Variants in FGF13 observed in about 807,000 individuals in gnomAD.
FGF13 encodes fibroblast growth factor homologous factor 2.
Under a neutral mutation model 19.5 loss-of-function variants are expected in FGF13, and 2 were observed. The ratio of observed to expected loss-of-function variants is 0.10; its 90% CI spans 0.04 to 0.32. FGF13 has a LOEUF of 0.32. FGF13 is among the 10% of genes least tolerant of loss of function. The probability of loss-of-function intolerance (pLI) is 1.00; values close to 1 mark genes in which losing one functional copy is unlikely to be tolerated. For synonymous variants in FGF13, 72 were observed against 76.9 expected, an observed-to-expected ratio of 0.94 and a Z score of 0.33; for missense variants, 113 against 192.7, an observed-to-expected ratio of 0.59 and a Z score of 2.45.
chrX:139,137,132 G>A (rs1293545326), intron 1 of FGF13, among the ~76,000 whole-genome samples: 2 of 112,046 alleles, frequency 1.8e-5, no homozygotes, highest in African/African-American at 6.5e-5. Flanking sequence ...ATTGTTAACA[G>A]ACAGAAACAA....
intron 1 of FGF13, among the ~76,000 whole-genome samples, chrX:138,999,480 G>C (rs1468520665): frequency 9.0e-6 from 1 of 110,863 alleles, no homozygotes; most frequent in Admixed American, 9.6e-5. Flanking sequence ...TCAAGTAGAC[G>C]CAATAAAAAA....
chrX:139,002,909 A>T (rs2092080160), intron 1 of FGF13, among the ~76,000 whole-genome samples: 2 of 111,696 alleles, frequency 1.8e-5, no homozygotes, highest in African/African-American at 6.5e-5. Flanking sequence ...CTTGCGTGAG[A>T]CTCTAAGACT....
chrX:138,650,600 G>A (rs925895125), intron 3 of FGF13, among the ~76,000 whole-genome samples: 3 of 111,509 alleles, frequency 2.7e-5, no homozygotes, highest in African/African-American at 9.8e-5. Context: ...AAGATATTAA[G>A]ATTCAATTTT....
At chrX:138,803,137 C>G (rs1602879520) in intron 3 of FGF13, among the ~76,000 whole-genome samples, 1 of 111,851 alleles carries the variant, frequency 8.9e-6, no homozygotes, top group Admixed American at 9.5e-5. Flanking sequence ...AGGCTCACCA[C>G]CTCTTTCTTA....
chrX:139,017,902 C>A (rs7051728), intron 1 of FGF13, among the ~76,000 whole-genome samples: 4,631 of 111,227 alleles, frequency 0.042, 248 homozygotes, highest in African/African-American at 0.14. Context: ...TGGGAAGATC[C>A]AACTTCTTAC....
At chrX:139,179,419 AG>A (rs1167454236) in intron 1 of FGF13, among the ~76,000 whole-genome samples, 5 of 106,152 alleles carry the variant, frequency 4.7e-5, no homozygotes. Flanking sequence ...CTGCTCCTAC[AG>A]TATGAGTCAA....
chrX:139,119,247 T>G (rs2124470490), intron 1 of FGF13, among the ~76,000 whole-genome samples: 1 of 111,729 alleles, frequency 9.0e-6, no homozygotes, highest in South Asian at 3.8e-4. Flanking sequence ...ACCCAAATCC[T>G]TATTTACCTT....
intron 3 of FGF13, chrX:138,806,410 G>A (rs980870794): frequency 2.7e-5 from 3 of 111,841 alleles, no homozygotes; most frequent in African/African-American, 9.8e-5. Flanking sequence ...GACGCTAAAG[G>A]TGGAGAAGGA....
At chrX:139,149,846 T>C (rs1168154396) in intron 1 of FGF13, among the ~76,000 whole-genome samples, 1 of 112,081 alleles carries the variant, frequency 8.9e-6, no homozygotes, top group Non-Finnish European at 1.9e-5. Flanking sequence ...CACTTGCTTA[T>C]CCAGCACAAA....
Position 139,043,400 on chromosome X carries a change from A to G in FGF13, c.-113+160016T>C, listed in dbSNP as rs148623283. On this transcript the variant is annotated intron_variant, in intron 1 of 2. Coordinates refer to the FGF13 transcript ENST00000421460. Reference sequence around the variant, plus strand: ...CTAATTTTTGTATTTTTTTGTAGAGACGGAGATTCAGCATGTTGGCCAGGC... The same window carrying G: ...CTAATTTTTGTATTTTTTTGTAGAGGCGGAGATTCAGCATGTTGGCCAGGC... 7.3e-3 allele frequency among the ~76,000 whole-genome samples: 807 copies of G among 110,231 alleles called. 14 individuals are homozygous for G. The highest frequency in any genetic ancestry group is 0.026 in the African/African-American group (776 of 30,048).
At chrX:139,074,401 TA>T (rs1177409103) in intron 1 of FGF13, among the ~76,000 whole-genome samples, 1 of 111,961 alleles carries the variant, frequency 8.9e-6, no homozygotes, top group Non-Finnish European at 1.9e-5. Flanking sequence ...GTGTATTCAT[TA>T]GATATGTTAG....
chrX:138,989,363 G>C (rs2092005879), intron 1 of FGF13, among the ~76,000 whole-genome samples: 1 of 111,795 alleles, frequency 8.9e-6, no homozygotes. Flanking sequence ...GAAGTGAACA[G>C]CTGGTGAGGC....
At position 138,707,169 on chromosome X, in the gene FGF13, G is replaced by GGT. The variant is rs374444436; in HGVS notation, c.298+1647_298+1648dup. Among the ~76,000 whole-genome samples, 9 of 110,903 alleles carry GGT rather than the reference G, an allele frequency of 8.1e-5. No individual in the cohort carries two copies. In the South Asian group the frequency reaches 1.5e-3, roughly 19 times the overall value. On this transcript the variant is annotated intron_variant, in intron 2 of 4. Coordinates refer to ENST00000315930, the MANE Select transcript of FGF13 (RefSeq NM_004114.5). Reference sequence around the variant, plus strand: ...ATGGAGCCTTGATATATGCGTGTGTGGTGTGTGTGTGTGTATCTCTTAAAA... The same window carrying GGT: ...ATGGAGCCTTGATATATGCGTGTGTGGTGTGTGTGTGTGTGTATCTCTTAAAA...
intron 1 of FGF13, among the ~76,000 whole-genome samples, chrX:139,176,216 T>C (rs2084182373): frequency 9.0e-6 from 1 of 111,616 alleles, no homozygotes; most frequent in Non-Finnish European, 1.9e-5. Context: ...TCTCTTATGG[T>C]AGTTTATGTT....
At chrX:138,934,303 G>A (rs1389867182) in intron 1 of FGF13, among the ~76,000 whole-genome samples, 5 of 111,592 alleles carry the variant, frequency 4.5e-5, no homozygotes, top group Admixed American at 9.5e-5. Context: ...TGGAGGAAGC[G>A]GACCCATAAC....
At chrX:138,897,857 G>A (rs1440159229) in intron 1 of FGF13, among the ~76,000 whole-genome samples, 1 of 111,291 alleles carries the variant, frequency 9.0e-6, no homozygotes, top group African/African-American at 3.3e-5. Flanking sequence ...ATCTGAATCA[G>A]AATTATTATC....
chrX:139,055,478 C>T (rs1603164958), intron 1 of FGF13, among the ~76,000 whole-genome samples: 1 of 112,501 alleles, frequency 8.9e-6, no homozygotes, highest in Admixed American at 9.4e-5. Flanking sequence ...ATGGGTGTGG[C>T]ACCCATGGAG....
At chrX:138,942,847 TG>T (rs935195059) in intron 1 of FGF13, among the ~76,000 whole-genome samples, 8 of 111,715 alleles carry the variant, frequency 7.2e-5, no homozygotes, top group African/African-American at 1.6e-4. Flanking sequence ...AGTATCTTGT[TG>T]TTTTTTTTGT....
Position 138,627,673 on chromosome X carries a change from A to C in FGF13, c.*5177T>G, listed in dbSNP as rs1305551832. 9.2e-6 allele frequency: 1 copy of C among 108,402 alleles called. No individual in the cohort carries two copies. Among genetic ancestry groups the C allele is most frequent in the African/African-American group, 3.4e-5 (1 of 29,664 alleles). The allele number at this position is 108,402 out of a possible 1,213,427, so 8.9% of individuals were successfully genotyped here. A position where few individuals can be genotyped will look rare whatever the true frequency, so the allele number is the denominator to read the frequency against. On this transcript the variant is annotated 3_prime_UTR_variant, in exon 5 of 5. Coordinates refer to ENST00000315930, the MANE Select transcript of FGF13 (RefSeq NM_004114.5). ...TGTGAAGTGTTTGTACAAAAGAGAA[A>C]TAGGCAGTGTTTGTAACAAAAACTA...
Sources: allele counts gnomAD v4.1 joint callset (sites outside exome capture counted in the v4.1 genomes callset), GRCh38; gene constraint gnomAD v4.1.1; transcripts MANE v1.5; gene names NCBI Gene and HGNC (gene_info 2026-07-23, HGNC 2026-07-21).